Variants in COL4A5 observed in about 807,000 individuals in gnomAD.
COL4A5 encodes collagen type IV alpha 5 chain, also known as collagen alpha-5(IV) chain.
A neutral mutation model predicts 130.2 loss-of-function variants in COL4A5; 26 were observed. The observed-to-expected ratio is 0.20, with a 90% confidence interval of 0.15 to 0.28. The LOEUF (loss-of-function observed/expected upper bound fraction) is 0.28. COL4A5 is among the 10% of genes least tolerant of loss of function. COL4A5 has a pLI of 1.00. For missense variants in COL4A5, 1,131 were observed against 1,344.3 expected (o/e 0.84, Z 2.48); for synonymous variants, 496 against 439.6 (o/e 1.13, Z -1.60).
In COL4A5 at chrX:108,537,448, G is replaced by A. The variant is rs149562737; in HGVS notation, c.82-2298G>A. On this transcript the variant is annotated intron_variant, in intron 1 of 52. Transcript: ENST00000328300. The stretch of plus-strand genomic sequence containing the variant: ...AATTATACAAAATTACTTGTAAAAT[G>A]ACATGCGAGAGTATTTAAGGTTTTG... 1.2e-3 allele frequency among the ~76,000 whole-genome samples: 135 copies of A among 111,577 alleles called. 4 individuals are homozygous for A. In the East Asian group the frequency reaches 0.025, roughly 21 times the overall value.
In COL4A5 at chrX:108,615,019, A is replaced by G; in HGVS notation, c.2504A>G (p.Gln835Arg). The change falls in exon 30 of 53, where the codon CAA becomes CGA. Residue 835 changes from glutamine (Q) to arginine (R), a missense_variant. Physicochemically the swap from Gln to Arg is conservative, Grantham distance 43. Coordinates refer to ENST00000328300, the MANE Select transcript of COL4A5 (RefSeq NM_033380.3). ...GPPGIPGPIGQPGLHGIPGEK... is the reference protein window; with the variant it reads ...GPPGIPGPIGRPGLHGIPGEK... Reference sequence around the variant, plus strand: ...CCAGGGATTCCTGGGCCAATAGGTCAACCTGGTAAGATTAGAGTAAATGTG... The same window carrying G: ...CCAGGGATTCCTGGGCCAATAGGTCGACCTGGTAAGATTAGAGTAAATGTG... The G allele has an allele frequency of 2.6e-6, 3 of 1,174,485 alleles. No homozygotes were observed. The highest frequency in any genetic ancestry group is 3.5e-6 in the Non-Finnish European group (3 of 861,657).
intron 1 of COL4A5, among the ~76,000 whole-genome samples, chrX:108,492,720 G>C (rs1016365064): frequency 9.0e-6 from 1 of 110,891 alleles, no homozygotes; most frequent in African/African-American, 3.3e-5. Context: ...AAAATGTCTG[G>C]CCATTTTTAT....
chrX:108,650,875 AAAG>A (rs772816134), intron 36 of COL4A5, among the ~76,000 whole-genome samples: 1 of 110,485 alleles, frequency 9.1e-6, no homozygotes, highest in Non-Finnish European at 1.9e-5. Context: ...AATCACCACT[AAAG>A]AACTTACTCA....
At chrX:108,622,249 C>A (rs188614642) in intron 32 of COL4A5, among the ~76,000 whole-genome samples, 61 of 111,938 alleles carry the variant, frequency 5.4e-4, no homozygotes, top group Non-Finnish European at 9.4e-4. Flanking sequence ...CTGCCTCAGC[C>A]TCCCAAGTAG....
At chrX:108,671,822 A>G (rs1007002639) in intron 42 of COL4A5, among the ~76,000 whole-genome samples, 2 of 111,873 alleles carry the variant, frequency 1.8e-5, no homozygotes, top group African/African-American at 6.5e-5. Flanking sequence ...TAGCAGGATT[A>G]TTGATGTAAA....
intron 1 of COL4A5, among the ~76,000 whole-genome samples, chrX:108,453,295 A>G (rs1306498051): frequency 8.9e-6 from 1 of 111,783 alleles, no homozygotes; most frequent in Non-Finnish European, 1.9e-5. Flanking sequence ...CTATATAACT[A>G]TTGGAAACCA....
At chrX:108,628,386 T>C (rs1226802569) in intron 36 of COL4A5, among the ~76,000 whole-genome samples, 1 of 111,404 alleles carries the variant, frequency 9.0e-6, no homozygotes, top group Admixed American at 9.6e-5. Context: ...ACCTTTATAC[T>C]TTCATGATTA....
intron 15 of COL4A5, 121 bp from the exon 16 acceptor site, chrX:108,580,862 T>A: frequency 3.1e-6 from 3 of 962,662 alleles, no homozygotes; most frequent in East Asian, 6.1e-5. Flanking sequence ...ATAATGTTGA[T>A]GTCTAAAAAG....
At chrX:108,523,902 A>T (rs191713161) in intron 1 of COL4A5, among the ~76,000 whole-genome samples, 11 of 111,524 alleles carry the variant, frequency 9.9e-5, no homozygotes, top group Non-Finnish European at 1.7e-4. Context: ...ATAGGAATAC[A>T]ATTGATTTTT....
At chrX:108,631,731 A>G (rs1034032750) in intron 36 of COL4A5, among the ~76,000 whole-genome samples, 7 of 111,622 alleles carry the variant, frequency 6.3e-5, no homozygotes, top group African/African-American at 2.3e-4. Flanking sequence ...CTAAATGACT[A>G]CTGGGTACAT....
chrX:108,696,051 TGA>T (rs2068726922), intron 52 of COL4A5: 1 of 347,244 alleles, frequency 2.9e-6, no homozygotes, highest in Non-Finnish European at 5.1e-6. Context: ...AGATAGAAAA[TGA>T]GAGGGAAACA....
intron 47 of COL4A5, among the ~76,000 whole-genome samples, chrX:108,683,091 C>T (rs1351695389): frequency 9.0e-6 from 1 of 111,539 alleles, no homozygotes; most frequent in African/African-American, 3.3e-5. Context: ...AGGAAGGGGT[C>T]CAGTTTCAGT....
At chrX:108,490,979 T>A (rs1289819055) in intron 1 of COL4A5, among the ~76,000 whole-genome samples, 1 of 112,185 alleles carries the variant, frequency 8.9e-6, no homozygotes. Context: ...AAAGACATGA[T>A]CTTGTTCTTT....
chrX:108,501,419 T>G (rs2065078197), intron 1 of COL4A5, among the ~76,000 whole-genome samples: 1 of 111,966 alleles, frequency 8.9e-6, no homozygotes, highest in African/African-American at 3.2e-5. Context: ...ATTGCTTGTA[T>G]AACCCCCTTT....
At chrX:108,610,944 G>A (rs938194112) in intron 29 of COL4A5, among the ~76,000 whole-genome samples, 1 of 111,424 alleles carries the variant, frequency 9.0e-6, no homozygotes, top group African/African-American at 3.3e-5. Flanking sequence ...TCTCTACTGT[G>A]AGAAAATCTA....
At chrX:108,471,167 T>A (rs1380915843) in intron 1 of COL4A5, among the ~76,000 whole-genome samples, 1 of 112,061 alleles carries the variant, frequency 8.9e-6, no homozygotes, top group East Asian at 2.8e-4. Context: ...AATAGTCTTT[T>A]TCTAATTCTG....
chrX:108,597,272 AG>A (rs780146818), intron 23 of COL4A5, 104 bp from the exon 24 acceptor site: 1 of 888,338 alleles, frequency 1.1e-6, no homozygotes, highest in Non-Finnish European at 1.6e-6. Context: ...GATGGGTTGA[AG>A]GGGTAAACTG....
At chrX:108,656,327 G>A (rs1157193502) in intron 37 of COL4A5, among the ~76,000 whole-genome samples, 1 of 111,618 alleles carries the variant, frequency 9.0e-6, no homozygotes, top group Non-Finnish European at 1.9e-5. Context: ...TTTGTTACAC[G>A]TGTCAGTAGT....
At chrX:108,659,586 A>G (rs2067913435) in intron 37 of COL4A5, among the ~76,000 whole-genome samples, 1 of 110,395 alleles carries the variant, frequency 9.1e-6, no homozygotes, top group Non-Finnish European at 1.9e-5. Context: ...TATTAGGTAT[A>G]TATAAATTCA....
Sources: allele counts gnomAD v4.1 joint callset (sites outside exome capture counted in the v4.1 genomes callset), GRCh38; gene constraint gnomAD v4.1.1; transcripts MANE v1.5; gene names NCBI Gene and HGNC (gene_info 2026-07-23, HGNC 2026-07-21).